ROBO2: variants seen among roughly 807,000 people sequenced by gnomAD.
ROBO2 encodes roundabout homolog 2.
In ROBO2, 53 loss-of-function variants were observed where a neutral mutation model predicts 160.8. That is an observed-to-expected ratio of 0.33 (90% CI 0.26 to 0.41). The LOEUF is 0.41. ROBO2 is among the 10% of genes least tolerant of loss of function. ROBO2 has a pLI of 1.00. For missense variants in ROBO2, 1,577 were observed against 1,722.4 expected, an observed-to-expected ratio of 0.92 and a Z score of 1.49; for synonymous variants, 664 against 611.7, an observed-to-expected ratio of 1.09 and a Z score of -1.26.
Position 76,284,427 on chromosome 3 carries a change from C to T in ROBO2, c.109+346825C>T, listed in dbSNP as rs563146760. On this transcript the variant is annotated intron_variant, in intron 2 of 26. Transcript: ENST00000487694. ...TCCTATAAAAAAAATCTGAGATAAA[C>T]TTAATCATCTTAACCTTCCAAGGGC... 1.2e-3 allele frequency among the ~76,000 whole-genome samples: 179 copies of T among 152,044 alleles called. 3 individuals carry two copies. Among genetic ancestry groups the T allele is most frequent in the Admixed American group, 2.6e-3 (40 of 15,222 alleles).
chr3:77,499,516 A>G (rs2087240918), intron 5 of ROBO2, among the ~76,000 whole-genome samples: 1 of 152,182 alleles, frequency 6.6e-6, no homozygotes, highest in Non-Finnish European at 1.5e-5. Flanking sequence ...AATGCAGTTA[A>G]CTACAGGGAA....
At chr3:77,585,009 G>C (rs1205682514) in intron 16 of ROBO2, among the ~76,000 whole-genome samples, 1 of 149,604 alleles carries the variant, frequency 6.7e-6, no homozygotes, top group African/African-American at 2.4e-5. Context: ...ATATATGCCA[G>C]AAAGACAGTA....
chr3:75,937,467 C>T (rs753040268), intron 1 of ROBO2: 1 of 1,420,638 alleles, frequency 7.0e-7, no homozygotes, highest in Admixed American at 2.1e-5. Flanking sequence ...ACATCCACCC[C>T]ACTCAATATG....
At chr3:76,643,199 A>T (rs1455307651) in intron 2 of ROBO2, among the ~76,000 whole-genome samples, 1 of 152,192 alleles carries the variant, frequency 6.6e-6, no homozygotes, top group Non-Finnish European at 1.5e-5. Context: ...CTTAGTAAAA[A>T]AATGTAATTG....
intron 2 of ROBO2, among the ~76,000 whole-genome samples, chr3:76,984,364 C>T (rs1258160188): frequency 1.3e-5 from 2 of 152,006 alleles, no homozygotes; most frequent in Non-Finnish European, 2.9e-5. Flanking sequence ...TTTCTAAGAC[C>T]CAGTAGAACA....
intron 2 of ROBO2, among the ~76,000 whole-genome samples, chr3:77,289,349 G>C (rs1443801161): frequency 6.6e-5 from 10 of 152,040 alleles, no homozygotes. Flanking sequence ...AAAATTGACG[G>C]TTAAACGGGT....
At chr3:76,395,735 A>G (rs2077406059) in intron 2 of ROBO2, among the ~76,000 whole-genome samples, 1 of 152,218 alleles carries the variant, frequency 6.6e-6, no homozygotes, top group Non-Finnish European at 1.5e-5. Context: ...AAACAGATGA[A>G]TTCCTGGACA....
chr3:77,177,641 T>A (rs2080284501), intron 2 of ROBO2, among the ~76,000 whole-genome samples: 1 of 152,032 alleles, frequency 6.6e-6, no homozygotes, highest in African/African-American at 2.4e-5. Context: ...CTGAGCTTGA[T>A]TGAATCCACA....
intron 2 of ROBO2, among the ~76,000 whole-genome samples, chr3:76,100,171 T>C (rs1198045350): frequency 6.6e-6 from 1 of 152,220 alleles, no homozygotes; most frequent in Non-Finnish European, 1.5e-5. Context: ...TCAGCTTTAT[T>C]TGTTTTGAAG....
At chr3:76,665,968 T>TATATATAATATATACATGTAATATATATA (rs2092016089) in intron 2 of ROBO2, among the ~76,000 whole-genome samples, 1 of 138,898 alleles carries the variant, frequency 7.2e-6, no homozygotes, top group Non-Finnish European at 1.5e-5. Flanking sequence ...ATACATATAA[T>TATATATAATATATACATGTAATATATATA]ATATATAATA....
At chr3:77,198,905 AAAAAAAG>A (rs921439311) in intron 2 of ROBO2, among the ~76,000 whole-genome samples, 5 of 152,176 alleles carry the variant, frequency 3.3e-5, no homozygotes, top group Non-Finnish European at 5.9e-5. Context: ...TCTGTCCTAA[AAAAAAAG>A]AAAAAAGAAA....
intron 1 of ROBO2, among the ~76,000 whole-genome samples, chr3:75,917,471 A>G (rs1194148031): frequency 6.6e-6 from 1 of 152,208 alleles, no homozygotes; most frequent in Admixed American, 6.5e-5. Flanking sequence ...AGTCTTTGCT[A>G]TTGTAAATAG....
At chr3:76,037,836 A>C (rs1489140496) in intron 2 of ROBO2, among the ~76,000 whole-genome samples, 1 of 152,196 alleles carries the variant, frequency 6.6e-6, no homozygotes, top group East Asian at 1.9e-4. Flanking sequence ...ATGAGTTTTT[A>C]AAGAAGTGCC....
chr3:77,443,226 T>C (rs765234772), intron 2 of ROBO2, among the ~76,000 whole-genome samples: 12 of 152,172 alleles, frequency 7.9e-5, no homozygotes, highest in Non-Finnish European at 1.6e-4. Flanking sequence ...TATAGAACCA[T>C]TTTACACATT....
intron 2 of ROBO2, among the ~76,000 whole-genome samples, chr3:76,792,410 G>A (rs2063420166): frequency 6.6e-6 from 1 of 151,728 alleles, no homozygotes; most frequent in Non-Finnish European, 1.5e-5. Flanking sequence ...AGATACCAAG[G>A]AACAACTGTA....
intron 6 of ROBO2, among the ~76,000 whole-genome samples, chr3:77,538,017 A>G (rs1481682470): frequency 2.0e-5 from 3 of 151,820 alleles, no homozygotes; most frequent in Admixed American, 2.0e-4. Context: ...GTATTTTACT[A>G]TGGAATAAGG....
chr3:76,815,031 A>T (rs1189058854), intron 2 of ROBO2, among the ~76,000 whole-genome samples: 2 of 152,086 alleles, frequency 1.3e-5, no homozygotes, highest in Non-Finnish European at 2.9e-5. Flanking sequence ...TTGTTAGTAT[A>T]GTGGCTCTGA....
At chr3:76,923,255 T>C (rs909007662) in intron 2 of ROBO2, among the ~76,000 whole-genome samples, 1 of 152,238 alleles carries the variant, frequency 6.6e-6, no homozygotes, top group Non-Finnish European at 1.5e-5. Context: ...CCCGCCATTC[T>C]GCTTCTGAAC....
At chr3:76,395,332 T>C (rs1379149191) in intron 2 of ROBO2, among the ~76,000 whole-genome samples, 2 of 150,364 alleles carry the variant, frequency 1.3e-5, no homozygotes, top group Non-Finnish European at 2.9e-5. Context: ...AAGCAGTGTG[T>C]AGAGGGAAAT....
Sources: gnomAD v4.1 joint callset for allele counts (sites outside exome capture counted in the v4.1 genomes callset) on GRCh38, gnomAD v4.1.1 for gene constraint, MANE v1.5 for transcripts, NCBI Gene and HGNC (gene_info 2026-07-23, HGNC 2026-07-21) for gene names.